The following ZFHX3 variants were observed in gnomAD, a reference collection of about 807,000 sequenced individuals.
ZFHX3 encodes zinc finger homeobox 3.
ZFHX3 carries 42 observed loss-of-function variants against 279.1 expected under a neutral mutation model. The ratio of observed to expected loss-of-function variants is 0.15; its 90% CI spans 0.12 to 0.19. ZFHX3 has a LOEUF of 0.19. ZFHX3 is among the 10% of genes least tolerant of loss of function. The pLI is 1.00. For missense variants in ZFHX3, 4,981 were observed against 4,754.0 expected, an observed-to-expected ratio of 1.05 and a Z score of -1.40; for synonymous variants, 2,293 against 1,957.8, an observed-to-expected ratio of 1.17 and a Z score of -4.52.
chr16:73,838,056 G>T (rs150823715), intron 1 of ZFHX3, among the ~76,000 whole-genome samples: 4 of 152,312 alleles, frequency 2.6e-5, no homozygotes, highest in Non-Finnish European at 2.9e-5. Context: ...TGGCTCATTA[G>T]CATTTACATG....
In ZFHX3 at chr16:73,336,402, G is replaced by A. The variant is rs576394276; in HGVS notation, c.-1290-18066C>T. 3.1e-4 allele frequency among the ~76,000 whole-genome samples: 37 copies of A among 118,304 alleles called. No individual in the cohort carries two copies. The South Asian group carries it at 8.6e-3, about 27-fold the overall frequency. 77.6% of individuals were successfully genotyped at this position (118,304 alleles called of 152,430 possible). A position where few individuals can be genotyped will look rare whatever the true frequency, so the allele number is the denominator to read the frequency against. On this transcript the variant is annotated intron_variant, in intron 3 of 17. Transcript: ENST00000641206. ...ACCCTCCTCCCACCCCCCACCCTCAGGGAGGCCCCTGTGTCTATTGTTCCC... is the reference window on the plus strand; with the variant it reads ...ACCCTCCTCCCACCCCCCACCCTCAAGGAGGCCCCTGTGTCTATTGTTCCC...
intron 2 of ZFHX3, among the ~76,000 whole-genome samples, chr16:73,640,512 G>A (rs1249088491): frequency 6.6e-6 from 1 of 152,162 alleles, no homozygotes; most frequent in Non-Finnish European, 1.5e-5. Flanking sequence ...AAAGGTAACA[G>A]AGGACATTGC....
chr16:73,283,625 C>T (rs2014514288), intron 4 of ZFHX3, among the ~76,000 whole-genome samples: 1 of 152,224 alleles, frequency 6.6e-6, no homozygotes, highest in Admixed American at 6.5e-5. Context: ...CACCTGCTGA[C>T]TTAGTACTGC....
chr16:73,121,480 C>T (rs1056004534), intron 7 of ZFHX3, among the ~76,000 whole-genome samples: 2 of 152,110 alleles, frequency 1.3e-5, no homozygotes, highest in African/African-American at 4.8e-5. Context: ...ACATCTTTGG[C>T]CTAGACCATT....
chr16:73,467,705 T>C (rs2143595031), intron 2 of ZFHX3, among the ~76,000 whole-genome samples: 1 of 152,268 alleles, frequency 6.6e-6, no homozygotes. Flanking sequence ...ATGTTCATAA[T>C]AGAAAATTGA....
intron 1 of ZFHX3, among the ~76,000 whole-genome samples, chr16:73,774,692 T>C (rs1250882231): frequency 6.6e-6 from 1 of 152,204 alleles, no homozygotes. Flanking sequence ...GCAACATCAC[T>C]AAGCCACCGA....
At chr16:72,949,505 C>T (rs1456013586) in intron 3 of ZFHX3, among the ~76,000 whole-genome samples, 1 of 152,116 alleles carries the variant, frequency 6.6e-6, no homozygotes, top group Non-Finnish European at 1.5e-5. Flanking sequence ...ACGTCTGGAG[C>T]AATTCTGCCG....
At chr16:73,846,597 T>C (rs867289267) in intron 1 of ZFHX3, among the ~76,000 whole-genome samples, 2 of 152,284 alleles carry the variant, frequency 1.3e-5, no homozygotes, top group Non-Finnish European at 1.5e-5. Context: ...ACCTTGTAAA[T>C]ATGCATGAAT....
At chr16:72,892,250 A>G (rs557584683) in intron 3 of ZFHX3, among the ~76,000 whole-genome samples, 46 of 152,366 alleles carry the variant, frequency 3.0e-4, no homozygotes, top group African/African-American at 9.4e-4. Context: ...AAAGTATCCC[A>G]CAGGAAATCT....
At chr16:72,918,387 T>C (rs2039495205) in intron 3 of ZFHX3, among the ~76,000 whole-genome samples, 1 of 152,158 alleles carries the variant, frequency 6.6e-6, no homozygotes, top group African/African-American at 2.4e-5. Flanking sequence ...CATACAATAA[T>C]ACTACGCAGC....
intron 1 of ZFHX3, among the ~76,000 whole-genome samples, chr16:73,849,029 T>C (rs1455832695): frequency 1.3e-5 from 2 of 152,254 alleles, no homozygotes; most frequent in Non-Finnish European, 2.9e-5. Context: ...GCATTGTTCT[T>C]GTTAACAACT....
At chr16:73,325,682 C>A (rs1429879523) in intron 3 of ZFHX3, among the ~76,000 whole-genome samples, 3 of 152,026 alleles carry the variant, frequency 2.0e-5, no homozygotes, top group Non-Finnish European at 2.9e-5. Flanking sequence ...CATACCACTG[C>A]TAATTTATCC....
intron 8 of ZFHX3, among the ~76,000 whole-genome samples, chr16:73,089,378 C>T (rs1197834554): frequency 6.6e-6 from 1 of 152,222 alleles, no homozygotes; most frequent in African/African-American, 2.4e-5. Flanking sequence ...GCTGGGATTA[C>T]AGGCGTGAGC....
chr16:73,698,864 T>TTTTG (rs3049564), intron 1 of ZFHX3, among the ~76,000 whole-genome samples: 55 of 150,956 alleles, frequency 3.6e-4, no homozygotes, highest in Non-Finnish European at 6.2e-4. Flanking sequence ...ACAGTTTTAT[T>TTTTG]TTTGTTTGTT....
rs915900702 is a variant in ZFHX3 at position 72,957,760 on chromosome 16, T to C, written c.2386A>G (p.Thr796Ala). 2.1e-5 allele frequency: 34 copies of C among 1,614,116 alleles called. No homozygotes were observed. Among genetic ancestry groups the C allele is most frequent in the Non-Finnish European group, 2.7e-5 (32 of 1,180,030 alleles). The change falls in exon 2 of 10, where the codon ACC (threonine) becomes GCC (alanine). Residue 796 changes from threonine to alanine, a missense_variant. By Grantham distance (58) the Thr-to-Ala change is moderately conservative. Coordinates refer to ENST00000268489, the MANE Select transcript of ZFHX3 (RefSeq NM_006885.4). ...CAGGTGGGTTTGGTTTTTGGTTTGGTCGGCGAGGGGGCCCCGCAGGAGCTA... is the reference window on the plus strand; with the variant it reads ...CAGGTGGGTTTGGTTTTTGGTTTGGCCGGCGAGGGGGCCCCGCAGGAGCTA... The part of the protein sequence containing the change: ...ISSSCGAPSP[T>A]KPKTKPTWRC...
At chr16:73,700,534 G>T (rs1220943255) in intron 1 of ZFHX3, among the ~76,000 whole-genome samples, 2 of 152,170 alleles carry the variant, frequency 1.3e-5, no homozygotes, top group Non-Finnish European at 2.9e-5. Flanking sequence ...TACACCTAAA[G>T]TCTATTATGT....
At chr16:72,928,222 G>T in intron 3 of ZFHX3, among the ~76,000 whole-genome samples, 1 of 67,866 alleles carries the variant, frequency 1.5e-5, no homozygotes. Context: ...GAAGGGGAGC[G>T]AGGGGGAGCG....
chr16:72,815,923 T>C (rs965299596), intron 5 of ZFHX3, among the ~76,000 whole-genome samples: 1 of 152,214 alleles, frequency 6.6e-6, no homozygotes, highest in South Asian at 2.1e-4. Context: ...CAATAGGGCA[T>C]GGTATAAGTA....
rs770633357 is a variant in ZFHX3, at chr16:72,787,409, G to A, written c.10867C>T (p.Arg3623Trp). The change falls in exon 10 of 10, where the codon CGG (arginine) becomes TGG (tryptophan). Residue 3623 changes from arginine to tryptophan, a missense_variant. Arg to Trp is a moderately radical substitution (Grantham distance 101). Coordinates refer to ENST00000268489, the MANE Select transcript of ZFHX3 (RefSeq NM_006885.4). The part of the protein sequence containing the change: ...SRKSWPQVVS[R>W]ASAAKPPSFP... ...GAAGGGGGCTTCGCTGCCGAAGCCC[G>A]GGAGACCACTTGCGGCCAAGACTTC... is the stretch of plus-strand genomic sequence containing the variant. 8 of 1,603,524 alleles carry A rather than the reference G, an allele frequency of 5.0e-6. No homozygotes were observed. In the East Asian group the frequency reaches 1.3e-4, roughly 27 times the overall value.
Sources: allele counts gnomAD v4.1 joint callset (sites outside exome capture counted in the v4.1 genomes callset), GRCh38; gene constraint gnomAD v4.1.1; transcripts MANE v1.5; gene names NCBI Gene and HGNC (gene_info 2026-07-23, HGNC 2026-07-21).